The following ADAMTS19 variants were observed in gnomAD, a reference collection of about 807,000 sequenced individuals.
ADAMTS19 encodes the protein A disintegrin and metalloproteinase with thrombospondin motifs 19.
In ADAMTS19, 93 loss-of-function variants were observed where a neutral mutation model predicts 153.3. The ratio of observed to expected loss-of-function variants is 0.61; its 90% CI spans 0.51 to 0.72. The LOEUF (loss-of-function observed/expected upper bound fraction) is 0.72. Among genes scored for constraint, ADAMTS19 ranks in the 30% least tolerant of loss-of-function variants. The pLI, the probability that ADAMTS19 is intolerant of heterozygous loss-of-function variation, is 0.00. For synonymous variants in ADAMTS19, 600 were observed against 556.6 expected (o/e 1.08, Z -1.10); for missense variants, 1,482 against 1,552.1 (o/e 0.95, Z 0.76).
intron 16 of ADAMTS19, among the ~76,000 whole-genome samples, chr5:129,672,204 C>T (rs1391386364): frequency 6.6e-6 from 1 of 152,046 alleles, no homozygotes; most frequent in Non-Finnish European, 1.5e-5. Context: ...GAACACTAAT[C>T]CCATTCATGA....
intron 3 of ADAMTS19, among the ~76,000 whole-genome samples, chr5:129,519,052 T>A (rs1751703669): frequency 1.3e-5 from 2 of 152,106 alleles, no homozygotes; most frequent in African/African-American, 4.8e-5. Context: ...CTTAATTATT[T>A]CAAGTTCACT....
intron 7 of ADAMTS19, among the ~76,000 whole-genome samples, chr5:129,573,376 T>C (rs1753979205): frequency 1.3e-5 from 2 of 152,042 alleles, no homozygotes; most frequent in East Asian, 3.9e-4. Context: ...TTCTTTTAGA[T>C]ATCCTAGGTT....
At position 129,461,690 on chromosome 5, in the gene ADAMTS19, T is replaced by C; in HGVS notation, c.680T>C (p.Phe227Ser). 6.4e-7 allele frequency: 1 copy of C among 1,571,288 alleles called. No individual in the cohort carries two copies. Among genetic ancestry groups the C allele is most frequent in the Non-Finnish European group, 8.6e-7 (1 of 1,164,580 alleles). Residue 227 changes from phenylalanine (F) to serine (S), a missense_variant, in exon 2 of 23, where the codon TTC becomes TCC. Coordinates refer to ENST00000274487, the MANE Select transcript of ADAMTS19 (RefSeq NM_133638.6). This position sits in a 1 kb window ranked among gnomAD's most constrained non-coding sequence, Gnocchi z 4.6. Reference protein sequence around the residue: ...QPPAPPDAGCFYTGAVLRHPG... With the variant: ...QPPAPPDAGCSYTGAVLRHPG... ...CCCGCGCCACCAGACGCAGGCTGCT[T>C]CTACACCGGAGCTGTGCTGCGGCAC...
chr5:129,514,645 T>C (rs543783038), intron 3 of ADAMTS19, among the ~76,000 whole-genome samples: 6 of 152,288 alleles, frequency 3.9e-5, no homozygotes, highest in Middle Eastern at 6.8e-3. Context: ...TATGAGATTT[T>C]TTCCTACAGA....
At chr5:129,735,531 A>T (rs907174715) in intron 22 of ADAMTS19, among the ~76,000 whole-genome samples, 5 of 152,010 alleles carry the variant, frequency 3.3e-5, no homozygotes, top group Admixed American at 2.0e-4. Context: ...AGGGACACAG[A>T]CTAAAAAATG....
intron 3 of ADAMTS19, 55 bp from the exon 4 acceptor site, chr5:129,526,229 A>G: frequency 7.0e-7 from 1 of 1,426,092 alleles, no homozygotes; most frequent in Non-Finnish European, 9.4e-7. Flanking sequence ...TATGTTTAAT[A>G]TTATTCACTT....
intron 18 of ADAMTS19, among the ~76,000 whole-genome samples, chr5:129,693,546 C>T (rs1755428079): frequency 1.3e-5 from 2 of 152,114 alleles, no homozygotes; most frequent in African/African-American, 4.8e-5. Context: ...TAGTGTCAAA[C>T]AATGGATTAA....
At chr5:129,624,126 C>CA (rs765901844) in intron 10 of ADAMTS19, among the ~76,000 whole-genome samples, 5,425 of 26,782 alleles carry the variant, frequency 0.2, 1,448 homozygotes, top group East Asian at 0.52. Flanking sequence ...GGCTCAGTCT[C>CA]AAAAAAAAAA....
intron 6 of ADAMTS19, among the ~76,000 whole-genome samples, chr5:129,551,114 G>C (rs1178346486): frequency 6.6e-6 from 1 of 151,512 alleles, no homozygotes; most frequent in Non-Finnish European, 1.5e-5. Flanking sequence ...TTTATGATGA[G>C]GTGACAGAGG....
At chr5:129,661,096 A>T (rs1320118164) in intron 15 of ADAMTS19, among the ~76,000 whole-genome samples, 1 of 152,102 alleles carries the variant, frequency 6.6e-6, no homozygotes, top group Non-Finnish European at 1.5e-5. Flanking sequence ...TAATGAAGTG[A>T]TCCCTGAAGT....
intron 3 of ADAMTS19, among the ~76,000 whole-genome samples, chr5:129,519,641 T>C (rs1043226954): frequency 6.9e-5 from 8 of 115,630 alleles, no homozygotes; most frequent in Admixed American, 2.7e-4. Flanking sequence ...CTATTCTCAT[T>C]TTATAGGAAA....
chr5:129,678,378 G>T (rs988746147), intron 16 of ADAMTS19, among the ~76,000 whole-genome samples: 8 of 151,924 alleles, frequency 5.3e-5, no homozygotes, highest in Admixed American at 5.2e-4. Flanking sequence ...ACTCTGCCAC[G>T]CAAGTGTCAG....
intron 18 of ADAMTS19, among the ~76,000 whole-genome samples, chr5:129,689,291 A>G (rs17163078): frequency 0.044 from 6,751 of 152,276 alleles, 460 homozygotes; most frequent in African/African-American, 0.15. Context: ...TATCCAGATC[A>G]TAAGTAGATA....
chr5:129,539,550 G>A (rs1333758367), intron 6 of ADAMTS19, among the ~76,000 whole-genome samples: 2 of 152,040 alleles, frequency 1.3e-5, no homozygotes, highest in Non-Finnish European at 2.9e-5. Flanking sequence ...TGTTATAGCA[G>A]CAATCGGAAA....
intron 3 of ADAMTS19, among the ~76,000 whole-genome samples, chr5:129,522,332 CATATATAT>C (rs1209637522): frequency 3.1e-4 from 18 of 58,620 alleles, no homozygotes; most frequent in African/African-American, 4.5e-4. Context: ...CACACACACA[CATATATAT>C]ATATATATAT....
intron 21 of ADAMTS19, among the ~76,000 whole-genome samples, chr5:129,728,230 C>G (rs907452470): frequency 6.6e-6 from 1 of 152,158 alleles, no homozygotes; most frequent in Non-Finnish European, 1.5e-5. Context: ...AATTGCCCAC[C>G]TCTGTCCCGG....
At chr5:129,524,620 A>G (rs1751939189) in intron 3 of ADAMTS19, among the ~76,000 whole-genome samples, 1 of 151,924 alleles carries the variant, frequency 6.6e-6, no homozygotes, top group African/African-American at 2.4e-5. Flanking sequence ...GAAAAAAAAA[A>G]AACATCAAAA....
intron 21 of ADAMTS19, among the ~76,000 whole-genome samples, chr5:129,722,020 G>C (rs1757025507): frequency 6.6e-6 from 1 of 152,078 alleles, no homozygotes; most frequent in Non-Finnish European, 1.5e-5. Context: ...ATTTGGGTTG[G>C]TTCCATGTCT....
chr5:129,475,787 T>C lies in ADAMTS19; in HGVS notation c.747+14030T>C, dbSNP rs1750204937. On this transcript the variant is annotated intron_variant, in intron 2 of 22. Coordinates refer to ENST00000274487, the MANE Select transcript of ADAMTS19 (RefSeq NM_133638.6). ...GGGAGAGGTTGCAGTAAGCCAAGAT[T>C]GTACCACTGCACTTCAGCCTGGGAG... 2.0e-5 allele frequency among the ~76,000 whole-genome samples: 3 copies of C among 152,326 alleles called. No homozygotes were observed. The South Asian group carries it at 6.2e-4, about 32-fold the overall frequency.
Sources: gnomAD v4.1 joint callset for allele counts (sites outside exome capture counted in the v4.1 genomes callset) on GRCh38, gnomAD v4.1.1 for gene constraint, Gnocchi (gnomAD v3.1) non-coding constraint, MANE v1.5 for transcripts, NCBI Gene and HGNC (gene_info 2026-07-23, HGNC 2026-07-21) for gene names.